TMEM41A: variants seen among roughly 807,000 people sequenced by gnomAD.
TMEM41A encodes the protein transmembrane protein 41A.
A neutral mutation model predicts 25.7 loss-of-function variants in TMEM41A; 20 were observed. That is an observed-to-expected ratio of 0.78 (90% confidence interval 0.55 to 1.13). TMEM41A has a LOEUF of 1.13. Ranked by LOEUF, TMEM41A falls within the 50% of genes most tolerant of loss-of-function variation. TMEM41A has a pLI of 0.00. For missense variants in TMEM41A, 299 were observed against 314.3 expected, an observed-to-expected ratio of 0.95 and a Z score of 0.37; for synonymous variants, 133 against 139.6, an observed-to-expected ratio of 0.95 and a Z score of 0.33.
At position 185,496,986 on chromosome 3, in the gene TMEM41A, G is replaced by A. The variant is rs1189534557; in HGVS notation, c.120-5C>T. On this transcript the variant is annotated splice_polypyrimidine_tract_variant and splice_region_variant and intron_variant, in intron 1 of 4. Coordinates refer to ENST00000421852, the MANE Select transcript of TMEM41A (RefSeq NM_080652.4). ...TCGGAGGGGAACCACAGCGACCTGG[G>A]GATTTGGAAAAGCAGATGGAAACAT... The A allele has an allele frequency of 6.9e-6, 11 of 1,589,910 alleles. No individual in the cohort carries two copies. In the Admixed American group the frequency reaches 1.4e-4, roughly 21 times the overall value.
rs1241087468 is a variant in TMEM41A at position 185,490,595 on chromosome 3, T to C, written c.*942A>G. ...TAAGGAGGTCTGACATACATGGTAA[T>C]GTCAGTGTGTCTGAACACAAGAGCG... On this transcript the variant is annotated 3_prime_UTR_variant, in exon 5 of 5. Transcript: ENST00000421852. 1.3e-5 allele frequency: 2 copies of C among 152,242 alleles called. No individual in the cohort carries two copies. The highest frequency in any genetic ancestry group is 2.4e-5 in the African/African-American group (1 of 41,462). 9.4% of individuals were successfully genotyped at this position (152,242 alleles called of 1,614,324 possible). A position where few individuals can be genotyped will look rare whatever the true frequency, so the allele number is the denominator to read the frequency against.
chr3:185,494,749 T>C lies in TMEM41A; in HGVS notation c.448A>G (p.Arg150Gly). 6.2e-7 allele frequency: 1 copy of C among 1,610,016 alleles called. No homozygotes were observed. Among genetic ancestry groups the C allele is most frequent in the Non-Finnish European group, 8.5e-7 (1 of 1,178,706 alleles). ...ALLQRKVEENRNSLFFFLLFL... is the reference protein window; with the variant it reads ...ALLQRKVEENGNSLFFFLLFL... ...AATAAGAAAAAAAACAAGCTGTTTC[T>C]GTTCTCCTCCACCTGTAGCCAAAGA... Residue 150 changes from arginine (R) to glycine (G), a missense_variant, in exon 4 of 5, where the codon AGA (arginine) becomes GGA (glycine). Transcript: ENST00000421852.
chr3:185,491,834 G>A, intron 4 of TMEM41A, 77 bp from the exon 5 acceptor site: 2 of 1,143,010 alleles, frequency 1.7e-6, no homozygotes, highest in South Asian at 1.6e-5. Flanking sequence ...AATGTCACCA[G>A]GAACAGTGAC....
In TMEM41A at chr3:185,494,273, GAC is replaced by G. The variant is rs551106677; in HGVS notation, c.574+348_574+349del. ...CTTCTGTCCCCACTCAAAACTCATG[GAC>G]ACACACCCTCATTCCAACCCTGCTC... On this transcript the variant is annotated intron_variant, in intron 4 of 4. Transcript: ENST00000421852. 29 of 187,704 alleles carry G rather than the reference GAC, an allele frequency of 1.5e-4. No individual in the cohort carries two copies. In the South Asian group the frequency reaches 2.1e-3, roughly 14 times the overall value. 11.6% of individuals were successfully genotyped at this position (187,704 alleles called of 1,614,324 possible). A position where few individuals can be genotyped will look rare whatever the true frequency, so the allele number is the denominator to read the frequency against.
Position 185,490,120 on chromosome 3 carries a change from G to A in TMEM41A, c.*1417C>T, listed in dbSNP as rs1718901994. ...CAGGATCACAGGGCTGGTCAGTTTA[G>A]GTGCCAAGGTCCTTCTGTCTTTGGA... On this transcript the variant is annotated 3_prime_UTR_variant, in exon 5 of 5. Coordinates refer to ENST00000421852, the MANE Select transcript of TMEM41A (RefSeq NM_080652.4). The A allele has an allele frequency of 6.6e-6, 1 of 152,198 alleles. No individual in the cohort carries two copies. Among genetic ancestry groups the A allele is most frequent in the Non-Finnish European group, 1.5e-5 (1 of 68,064 alleles). 9.4% of individuals were successfully genotyped at this position (152,198 alleles called of 1,614,324 possible). A position where few individuals can be genotyped will look rare whatever the true frequency, so the allele number is the denominator to read the frequency against.
At position 185,489,742 on chromosome 3, in the gene TMEM41A, G is replaced by A. The variant is rs890359414; in HGVS notation, c.*1795C>T. On this transcript the variant is annotated 3_prime_UTR_variant, in exon 5 of 5. Coordinates refer to ENST00000421852, the MANE Select transcript of TMEM41A (RefSeq NM_080652.4). The stretch of plus-strand genomic sequence containing the variant: ...AAAGGGGCAAAGGGCACACACTTGC[G>A]ATGATGTGGAAAACATGTTTCTCCT... 20 of 152,202 alleles carry A rather than the reference G, an allele frequency of 1.3e-4. No homozygotes were observed. The highest frequency in any genetic ancestry group is 3.3e-4 in the Admixed American group (5 of 15,278). The allele number at this position is 152,202 out of a possible 1,614,324, so 9.4% of individuals were successfully genotyped here. A position where few individuals can be genotyped will look rare whatever the true frequency, so the allele number is the denominator to read the frequency against.
At chr3:185,492,528 T>G (rs1718989086) in intron 4 of TMEM41A, 1 of 152,210 alleles carries the variant, frequency 6.6e-6, no homozygotes, top group Admixed American at 6.5e-5. Context: ...CATTCTGTAC[T>G]GTCTCAAAGA....
At position 185,494,956 on chromosome 3, in the gene TMEM41A, A is replaced by G. The variant is rs1719058408; in HGVS notation, c.436-195T>C. On this transcript the variant is annotated intron_variant, in intron 3 of 4. Transcript: ENST00000421852. ...ATCAGAGAAGTCAAGAACTTGCCCA[A>G]AGTCACAGAGCTGGTAATGATGGAG... is the stretch of plus-strand genomic sequence containing the variant. 11 of 945,324 alleles carry G rather than the reference A, an allele frequency of 1.2e-5. No homozygotes were observed. The East Asian group carries it at 2.8e-4, about 24-fold the overall frequency. 58.6% of individuals were successfully genotyped at this position (945,324 alleles called of 1,614,324 possible).
In TMEM41A at chr3:185,498,846, C is replaced by T. The variant is rs1437798807; in HGVS notation, c.116G>A (p.Gly39Asp). Residue 39 changes from glycine (G) to aspartate (D), a missense_variant, in exon 1 of 5, where the codon GGC becomes GAC. Coordinates refer to ENST00000421852, the MANE Select transcript of TMEM41A (RefSeq NM_080652.4). ...RRLGSTEEAG[G>D]RSLWFPSDLA... ...AACCCGGATTCCCGCCACGCACCTG[C>T]CTCCAGCCTCCTCGGTGGAGCCCAG... The T allele has an allele frequency of 2.5e-6, 4 of 1,594,896 alleles. No individual in the cohort carries two copies. The African/African-American group carries it at 4.1e-5, about 16-fold the overall frequency.
intron 4 of TMEM41A, 83 bp from the exon 5 acceptor site, chr3:185,491,840 G>T: frequency 9.5e-7 from 1 of 1,054,844 alleles, no homozygotes; most frequent in Non-Finnish European, 1.4e-6. Flanking sequence ...ACCAGGAACA[G>T]TGACTACGGT....
intron 2 of TMEM41A, 71 bp from the exon 3 acceptor site, chr3:185,495,386 G>A: frequency 6.8e-7 from 1 of 1,469,990 alleles, no homozygotes; most frequent in Non-Finnish European, 9.3e-7. Context: ...TGGAGCCTGA[G>A]AGTCATAGGT....
At chr3:185,498,632 C>G (rs1040813775) in intron 1 of TMEM41A, 6 of 537,266 alleles carry the variant, frequency 1.1e-5, no homozygotes, top group Non-Finnish European at 1.9e-5. Flanking sequence ...AGGTCCCAGT[C>G]AGGCCCGGAG....
chr3:185,491,900 T>C (rs1428266745), intron 4 of TMEM41A, 143 bp from the exon 5 acceptor site: 7 of 584,176 alleles, frequency 1.2e-5, no homozygotes, highest in Admixed American at 3.2e-5. Flanking sequence ...CTTTCCCTTC[T>C]TTCCTTCTTT....
intron 1 of TMEM41A, 108 bp from the exon 2 acceptor site, chr3:185,497,089 C>T: frequency 7.4e-7 from 1 of 1,353,168 alleles, no homozygotes; most frequent in Middle Eastern, 2.6e-4. Context: ...ATATGCCCAT[C>T]ATCTGATCTG....
chr3:185,490,468 G>A lies in TMEM41A; in HGVS notation c.*1069C>T, dbSNP rs1718912674. 6.6e-6 allele frequency: 1 copy of A among 152,168 alleles called. No individual in the cohort carries two copies. Among genetic ancestry groups the A allele is most frequent in the Admixed American group, 6.5e-5 (1 of 15,274 alleles). The allele number at this position is 152,168 out of a possible 1,614,324, so 9.4% of individuals were successfully genotyped here. Reference sequence around the variant, plus strand: ...GTCAAGGGCCCTGCCCCATCCAGATGGGTAAGAATTTCTCCAGAACATATC... The same window carrying A: ...GTCAAGGGCCCTGCCCCATCCAGATAGGTAAGAATTTCTCCAGAACATATC... On this transcript the variant is annotated 3_prime_UTR_variant, in exon 5 of 5. Coordinates refer to ENST00000421852, the MANE Select transcript of TMEM41A (RefSeq NM_080652.4).
intron 1 of TMEM41A, 41 bp from the exon 2 acceptor site, chr3:185,497,022 C>G: frequency 6.4e-7 from 1 of 1,554,792 alleles, no homozygotes. Context: ...GAGTTCAGAT[C>G]AGTCCAGTGC....
intron 1 of TMEM41A, chr3:185,498,311 G>A (rs1464863395): frequency 6.6e-6 from 1 of 152,152 alleles, no homozygotes; most frequent in Non-Finnish European, 1.5e-5. Context: ...CAGGAAGACG[G>A]GCAGAGTCGA....
rs1718953642 is a variant in TMEM41A at position 185,491,605 on chromosome 3, T to A, written c.727A>T (p.Ser243Cys). ...LIPGTLIKKF[S>C]QKHLQLNETS... ...TCATTCAATTGCAGATGTTTCTGACTAAATTTTTTAATGAGGGTTCCAGGA... is the reference window on the plus strand; with the variant it reads ...TCATTCAATTGCAGATGTTTCTGACAAAATTTTTTAATGAGGGTTCCAGGA... Residue 243 changes from serine (S) to cysteine (C), a missense_variant, in exon 5 of 5, where the codon AGT becomes TGT. Ser to Cys is a moderately radical substitution (Grantham distance 112). Coordinates refer to ENST00000421852, the MANE Select transcript of TMEM41A (RefSeq NM_080652.4). The A allele has an allele frequency of 6.2e-7, 1 of 1,614,124 alleles. No homozygotes were observed. Among genetic ancestry groups the A allele is most frequent in the African/African-American group, 1.3e-5 (1 of 74,948 alleles).
chr3:185,497,526 G>A (rs1719138837), intron 1 of TMEM41A, among the ~76,000 whole-genome samples: 1 of 152,202 alleles, frequency 6.6e-6, no homozygotes, highest in Non-Finnish European at 1.5e-5. Context: ...TATCCCATAG[G>A]ATAAATGTAA....
Sources: allele counts gnomAD v4.1 joint callset (sites outside exome capture counted in the v4.1 genomes callset), GRCh38; gene constraint gnomAD v4.1.1; transcripts MANE v1.5; gene names NCBI Gene and HGNC (gene_info 2026-07-23, HGNC 2026-07-21).